CFAP74: variants seen among roughly 807,000 people sequenced by gnomAD.
The protein encoded by CFAP74 is cilia- and flagella-associated protein 74.
Under a neutral mutation model 188.9 loss-of-function variants are expected in CFAP74, and 124 were observed. That is an observed-to-expected ratio of 0.66 (90% CI 0.57 to 0.76). The LOEUF (loss-of-function observed/expected upper bound fraction) is 0.76. CFAP74 is among the 30% of genes least tolerant of loss of function. The probability of loss-of-function intolerance (pLI) is 0.00; values close to 1 mark genes in which losing one functional copy is unlikely to be tolerated. For missense variants in CFAP74, 2,198 were observed against 2,165.2 expected, an observed-to-expected ratio of 1.02 and a Z score of -0.30; for synonymous variants, 956 against 916.7, an observed-to-expected ratio of 1.04 and a Z score of -0.77.
chr1:1,926,581 C>T (rs995101611), intron 30 of CFAP74, 69 bp from the exon 31 acceptor site: 66 of 1,547,294 alleles, frequency 4.3e-5, no homozygotes, highest in Middle Eastern at 3.3e-4. Flanking sequence ...AGGGGTGGGC[C>T]GTGGGGCTGG....
chr1:1,956,887 T>A, intron 16 of CFAP74, 103 bp from the exon 17 acceptor site: 1 of 1,168,022 alleles, frequency 8.6e-7, no homozygotes, highest in Non-Finnish European at 1.2e-6. Flanking sequence ...CCTGAGCATT[T>A]GTGCGCGTTG....
intron 9 of CFAP74, 79 bp downstream of exon 9, chr1:1,971,901 G>T: frequency 8.9e-7 from 1 of 1,129,592 alleles, no homozygotes. Context: ...CACGGGCCTG[G>T]CTCCCAAGGA....
Position 1,946,479 on chromosome 1 carries a change from T to C in CFAP74, c.2242-40A>G, listed in dbSNP as rs766773509. 7.3e-6 allele frequency: 11 copies of C among 1,499,456 alleles called. No individual in the cohort carries two copies. The South Asian group carries it at 1.2e-4, about 17-fold the overall frequency. The allele number at this position is 1,499,456 out of a possible 1,614,324, so 92.9% of individuals were successfully genotyped here. A position where few individuals can be genotyped will look rare whatever the true frequency, so the allele number is the denominator to read the frequency against. On this transcript the variant is annotated intron_variant, in intron 19 of 38. Transcript: ENST00000682832. ...ATGCCATGGGGTCTGCCAGGCTTCA[T>C]GGCTTTTAAGATCCCTTCCCAACCC...
chr1:1,976,289 G>C (rs1026584762), intron 6 of CFAP74, among the ~76,000 whole-genome samples: 1 of 152,182 alleles, frequency 6.6e-6, no homozygotes, highest in Non-Finnish European at 1.5e-5. Flanking sequence ...GGAGGTGTTG[G>C]GGTCGTGGGG....
chr1:1,924,311 C>A (rs1651666578), intron 34 of CFAP74, 80 bp downstream of exon 34: 1 of 623,762 alleles, frequency 1.6e-6, no homozygotes, highest in Non-Finnish European at 2.3e-6. Context: ...CACCAACTGT[C>A]CCCCTCCAGG....
At position 1,959,985 on chromosome 1, in the gene CFAP74, C is replaced by G. The variant is rs767128711; in HGVS notation, c.1740G>C (p.Val580=). ...TCACCATCGGCTTGAAGGTGACAAG[C>G]ACTTCACAGGACATTCCGGCTGACA... ...GPLSAGMSCE[V]LVTFKPMINK... The change falls in exon 15 of 39, where the codon GTG becomes GTC. Residue 580 remains valine, a synonymous_variant. Coordinates refer to ENST00000682832, the MANE Select transcript of CFAP74 (RefSeq NM_001304360.2). The G allele has an allele frequency of 1.3e-6, 2 of 1,595,620 alleles. No individual in the cohort carries two copies. The highest frequency in any genetic ancestry group is 2.7e-5 in the African/African-American group (2 of 72,978).
In CFAP74 at chr1:1,985,323, T is replaced by C. The variant is rs529974158; in HGVS notation, c.500+63A>G. 22 of 1,388,150 alleles carry C rather than the reference T, an allele frequency of 1.6e-5. No individual in the cohort carries two copies. The African/African-American group carries it at 2.6e-4, about 16-fold the overall frequency. The allele number at this position is 1,388,150 out of a possible 1,614,324, so 86.0% of individuals were successfully genotyped here. ...CCAGATCTTGCTCTCTGCCCCCAGA[T>C]GGGAAGGACTCGCACCGTTCTGGGG... On this transcript the variant is annotated intron_variant, in intron 6 of 38. Coordinates refer to ENST00000682832, the MANE Select transcript of CFAP74 (RefSeq NM_001304360.2).
Position 1,922,618 on chromosome 1 carries a change from T to C in CFAP74, c.4789A>G (p.Ile1597Val), listed in dbSNP as rs1217785076. Residue 1597 changes from isoleucine (I) to valine (V), a missense_variant, in exon 38 of 39, where the codon ATC (isoleucine) becomes GTC (valine). Transcript: ENST00000682832. ...AAGTCCGCAGGTGGCACCCAGGAGA[T>C]GCTGATGGTCTTCGTCTGGCCGCGC... Reference protein sequence around the residue: ...VERGQTKTISISWVPPADFDP... With the variant: ...VERGQTKTISVSWVPPADFDP... 1.2e-6 allele frequency: 2 copies of C among 1,607,048 alleles called. No individual in the cohort carries two copies. Among genetic ancestry groups the C allele is most frequent in the African/African-American group, 2.7e-5 (2 of 74,980 alleles).
At chr1:1,970,090 G>A (rs1655834139) in intron 10 of CFAP74, among the ~76,000 whole-genome samples, 1 of 152,240 alleles carries the variant, frequency 6.6e-6, no homozygotes. Context: ...GTGGGTGGGG[G>A]GTCCGAGAGG....
chr1:1,946,479 T>A, intron 19 of CFAP74, 40 bp from the exon 20 acceptor site: 1 of 1,499,574 alleles, frequency 6.7e-7, no homozygotes, highest in Non-Finnish European at 8.9e-7. Flanking sequence ...CCAGGCTTCA[T>A]GGCTTTTAAG....
rs2102082626 is a variant in CFAP74, at chr1:1,972,967, G to A, written c.755C>T (p.Ala252Val). The A allele has an allele frequency of 6.2e-7, 1 of 1,614,012 alleles. No homozygotes were observed. The highest frequency in any genetic ancestry group is 8.5e-7 in the Non-Finnish European group (1 of 1,179,988). ...CAGGGAGGCCTTCAGGAACCGCACGGCAACCTTGTGGTTCTTCCGGGCGTC... is the reference window on the plus strand; with the variant it reads ...CAGGGAGGCCTTCAGGAACCGCACGACAACCTTGTGGTTCTTCCGGGCGTC... ...LEDARKNHKV[A>V]VRFLKASLGR... is the part of the protein sequence containing the mutation. The change falls in exon 8 of 39, where the codon GCC becomes GTC. Residue 252 changes from alanine to valine, a missense_variant. Transcript: ENST00000682832.
rs76238825 is a variant in CFAP74, at chr1:1,938,336, A to T, written c.3011+519T>A. Among the ~76,000 whole-genome samples the T allele has an allele frequency of 5.7e-4, 64 of 111,586 alleles. No individual in the cohort carries two copies. The East Asian group carries it at 0.011, about 19-fold the overall frequency. 73.2% of individuals were successfully genotyped at this position (111,586 alleles called of 152,430 possible). ...ACATGCACTCACACACAAGGCACTC[A>T]CACACACACGCTCACTCACATGCAA... On this transcript the variant is annotated intron_variant, in intron 25 of 38. Transcript: ENST00000682832.
intron 6 of CFAP74, among the ~76,000 whole-genome samples, chr1:1,980,655 A>G (rs1216983680): frequency 6.6e-6 from 1 of 152,216 alleles, no homozygotes; most frequent in Non-Finnish European, 1.5e-5. Context: ...CTGCCAGCCC[A>G]TGGCCCCTTG....
intron 6 of CFAP74, 64 bp downstream of exon 6, chr1:1,985,322 A>G: frequency 7.2e-7 from 1 of 1,391,790 alleles, no homozygotes; most frequent in South Asian, 1.2e-5. Context: ...CTGCCCCCAG[A>G]TGGGAAGGAC....
rs1252459023 is a variant in CFAP74, at chr1:1,942,005, G to A, written c.2615+23C>T. ...ACAACCTCCCACGTCCTCCTGTCCC[G>A]GCCTTGGCGTCCTGGCACCTACCGC... On this transcript the variant is annotated intron_variant, in intron 22 of 38. Coordinates refer to ENST00000682832, the MANE Select transcript of CFAP74 (RefSeq NM_001304360.2). The surrounding 1 kb of genome is among the most constrained non-coding windows in gnomAD (Gnocchi z 4.3). The A allele has an allele frequency of 7.5e-6, 11 of 1,473,036 alleles. No individual in the cohort carries two copies. The highest frequency in any genetic ancestry group is 2.6e-5 in the East Asian group (1 of 38,288). 91.2% of individuals were successfully genotyped at this position (1,473,036 alleles called of 1,614,324 possible).
At position 1,923,204 on chromosome 1, in the gene CFAP74, G is replaced by A. The variant is rs1213130429; in HGVS notation, c.4523-59C>T. ...TCAGGCTGAGGCATGGGGTGAGGCTGCAGCTGGACTCCTGAACTCTGGTTA... is the reference window on the plus strand; with the variant it reads ...TCAGGCTGAGGCATGGGGTGAGGCTACAGCTGGACTCCTGAACTCTGGTTA... On this transcript the variant is annotated intron_variant, in intron 36 of 38. Transcript: ENST00000682832. This position sits in a 1 kb window ranked among gnomAD's most constrained non-coding sequence, Gnocchi z 6.3. 1.3e-6 allele frequency: 2 copies of A among 1,533,386 alleles called. No individual in the cohort carries two copies. Among genetic ancestry groups the A allele is most frequent in the African/African-American group, 2.8e-5 (2 of 71,988 alleles). 95.0% of individuals were successfully genotyped at this position (1,533,386 alleles called of 1,614,324 possible). A position where few individuals can be genotyped will look rare whatever the true frequency, so the allele number is the denominator to read the frequency against.
intron 15 of CFAP74, 48 bp from the exon 16 acceptor site, chr1:1,959,257 T>C (rs1192353709): frequency 2.2e-6 from 3 of 1,341,860 alleles, no homozygotes; most frequent in Non-Finnish European, 3.2e-6. Flanking sequence ...GCAACTTTTG[T>C]GTGTTTTGTT....
chr1:1,999,390 T>C (rs192098409), intron 1 of CFAP74, among the ~76,000 whole-genome samples: 1 of 152,272 alleles, frequency 6.6e-6, no homozygotes, highest in African/African-American at 2.4e-5. Flanking sequence ...AAAATTCAGC[T>C]ACAGTGTGTG....
rs980636914 is a variant in CFAP74, at chr1:1,922,203, C to T, written c.*84G>A. On this transcript the variant is annotated 3_prime_UTR_variant, in exon 39 of 39. Transcript: ENST00000682832. ...TGGCAGAGGATGGCCAGGTCCCAGGCTCTAGGGTAGTATGACCTGGCCCTC... is the reference window on the plus strand; with the variant it reads ...TGGCAGAGGATGGCCAGGTCCCAGGTTCTAGGGTAGTATGACCTGGCCCTC... 3 of 1,029,014 alleles carry T rather than the reference C, an allele frequency of 2.9e-6. No homozygotes were observed. The highest frequency in any genetic ancestry group is 4.8e-5 in the East Asian group (2 of 41,798). 63.7% of individuals were successfully genotyped at this position (1,029,014 alleles called of 1,614,324 possible). A position where few individuals can be genotyped will look rare whatever the true frequency, so the allele number is the denominator to read the frequency against.
Sources: allele counts gnomAD v4.1 joint callset (sites outside exome capture counted in the v4.1 genomes callset), GRCh38; gene constraint gnomAD v4.1.1; non-coding constraint Gnocchi (gnomAD v3.1); transcripts MANE v1.5; gene names NCBI Gene and HGNC (gene_info 2026-07-23, HGNC 2026-07-21).